XKR9: variants seen among roughly 807,000 people sequenced by gnomAD.
XKR9 encodes XK related 9.
Under a neutral mutation model 32.0 loss-of-function variants are expected in XKR9, and 32 were observed. That is an observed-to-expected ratio of 1.00 (90% CI 0.76 to 1.34). XKR9 has a LOEUF of 1.34. Among genes scored for constraint, XKR9 ranks in the 40% most tolerant of loss-of-function variants. XKR9 has a pLI of 0.00. For missense variants in XKR9, 546 were observed against 429.7 expected (o/e 1.27, Z -2.39); for synonymous variants, 168 against 143.4 (o/e 1.17, Z -1.22).
the XKR9 span, among the ~76,000 whole-genome samples, chr8:71,055,836 G>A: frequency 6.6e-6 from 1 of 152,282 alleles, no homozygotes; most frequent in South Asian, 2.1e-4. Context: ...GTAATTGTTT[G>A]AGTTCTTCTG....
At chr8:70,993,886 C>G in the XKR9 span, among the ~76,000 whole-genome samples, 1 of 152,176 alleles carries the variant, frequency 6.6e-6, no homozygotes, top group Non-Finnish European at 1.5e-5. Flanking sequence ...TAGATTTCCT[C>G]TAAGGATACA....
chr8:70,956,734 C>T, the XKR9 span, among the ~76,000 whole-genome samples: 1 of 152,178 alleles, frequency 6.6e-6, no homozygotes, highest in Non-Finnish European at 1.5e-5. Flanking sequence ...GCAGTGTGTG[C>T]ATACCCGGCC....
At chr8:70,739,506 C>A (rs1055535254), downstream of XKR9, among the ~76,000 whole-genome samples, 2 of 152,150 alleles carry the variant, frequency 1.3e-5, no homozygotes, top group African/African-American at 2.4e-5. Flanking sequence ...TTGATCCTGT[C>A]ATTATGATGT....
chr8:70,733,120 GAAAT>G (rs1383371886), intron 4 of XKR9, among the ~76,000 whole-genome samples: 2 of 152,100 alleles, frequency 1.3e-5, no homozygotes, highest in Non-Finnish European at 1.5e-5. Context: ...AAGAAGGAAA[GAAAT>G]AAAGAGAGTG....
At chr8:70,750,689 C>A (rs1324694122) in intron 2 of XKR9, among the ~76,000 whole-genome samples, 1 of 152,108 alleles carries the variant, frequency 6.6e-6, no homozygotes, top group Non-Finnish European at 1.5e-5. Flanking sequence ...GGTTTTTAGC[C>A]TAGTCATTAA....
the XKR9 span, among the ~76,000 whole-genome samples, chr8:71,054,791 T>C: frequency 1.3e-5 from 2 of 152,174 alleles, no homozygotes; most frequent in South Asian, 4.1e-4. Context: ...TATTTTTTGG[T>C]GGGAGGATTC....
intron 4 of XKR9, among the ~76,000 whole-genome samples, chr8:70,717,115 G>A (rs2132205332): frequency 6.6e-6 from 1 of 152,296 alleles, no homozygotes. Flanking sequence ...CTGCCCCTGT[G>A]GCTTTGCAGG....
At chr8:70,721,510 C>CAA (rs1563447759) in intron 4 of XKR9, among the ~76,000 whole-genome samples, 7 of 152,150 alleles carry the variant, frequency 4.6e-5, no homozygotes, top group African/African-American at 1.7e-4. Context: ...TGTCTTTGCT[C>CAA]TCATTGGTTT....
the XKR9 span, among the ~76,000 whole-genome samples, chr8:70,808,133 A>G: frequency 4.6e-5 from 7 of 152,216 alleles, no homozygotes; most frequent in African/African-American, 1.7e-4. Context: ...CCACACAATT[A>G]TAGGGAAATT....
At chr8:70,944,775 A>C in the XKR9 span, among the ~76,000 whole-genome samples, 1 of 152,250 alleles carries the variant, frequency 6.6e-6, no homozygotes, top group South Asian at 2.1e-4. Context: ...GGAGAAGATC[A>C]TACAAGGCCG....
At chr8:70,789,940 A>T in intron 3 of XKR9, 1 of 151,128 alleles carries the variant, frequency 6.6e-6, no homozygotes. Context: ...TGCATTCACC[A>T]CCCCAATTTT....
At chr8:71,024,550 GA>G in the XKR9 span, among the ~76,000 whole-genome samples, 1 of 152,150 alleles carries the variant, frequency 6.6e-6, no homozygotes, top group Non-Finnish European at 1.5e-5. Context: ...TGAGACTTGG[GA>G]GCTGACAAGC....
chr8:70,854,185 C>T, the XKR9 span, among the ~76,000 whole-genome samples: 1 of 152,128 alleles, frequency 6.6e-6, no homozygotes, highest in Non-Finnish European at 1.5e-5. Context: ...CTCTCCAGCA[C>T]CTGTTGTTTC....
chr8:70,967,332 G>A, the XKR9 span, among the ~76,000 whole-genome samples: 1 of 152,092 alleles, frequency 6.6e-6, no homozygotes, highest in Non-Finnish European at 1.5e-5. Context: ...GCCTCCCAAA[G>A]TGCTGGGAAT....
chr8:70,982,507 G>A, the XKR9 span, among the ~76,000 whole-genome samples: 1 of 152,094 alleles, frequency 6.6e-6, no homozygotes, highest in African/African-American at 2.4e-5. Flanking sequence ...CTCCCACACA[G>A]CCCCCAGTCC....
the XKR9 span, among the ~76,000 whole-genome samples, chr8:70,992,966 A>G: frequency 1.3e-5 from 2 of 152,222 alleles, no homozygotes; most frequent in East Asian, 3.9e-4. Context: ...GGATAACTCA[A>G]TCTCTTCCCT....
chr8:70,807,112 C>A, the XKR9 span, among the ~76,000 whole-genome samples: 1 of 152,112 alleles, frequency 6.6e-6, no homozygotes, highest in Non-Finnish European at 1.5e-5. Flanking sequence ...GGCCAATACT[C>A]AACATTCTTA....
chr8:70,950,918 C>T, the XKR9 span, among the ~76,000 whole-genome samples: 5 of 152,120 alleles, frequency 3.3e-5, no homozygotes, highest in African/African-American at 1.2e-4. Context: ...GAGTGATCTG[C>T]TCACCTTGGC....
the XKR9 span, among the ~76,000 whole-genome samples, chr8:70,916,839 G>A: frequency 2.0e-5 from 3 of 149,722 alleles, no homozygotes; most frequent in Admixed American, 6.6e-5. Flanking sequence ...ATTTCCCTTA[G>A]CAATACTTTA....
Sources: gnomAD v4.1 joint callset for allele counts (sites outside exome capture counted in the v4.1 genomes callset) on GRCh38, gnomAD v4.1.1 for gene constraint, MANE v1.5 for transcripts, NCBI Gene and HGNC (gene_info 2026-07-23, HGNC 2026-07-21) for gene names.